Variants in RGS17 observed in about 807,000 individuals in gnomAD.
RGS17 encodes regulator of G protein signaling 17, also known as regulator of G-protein signaling 17.
In RGS17, 12 loss-of-function variants were observed where a neutral mutation model predicts 25.5. The ratio of observed to expected loss-of-function variants is 0.47; its 90% CI spans 0.30 to 0.76. The LOEUF is 0.76. Among genes scored for constraint, RGS17 ranks in the 30% least tolerant of loss-of-function variants. The probability of loss-of-function intolerance (pLI) is 0.07; values close to 1 mark genes in which losing one functional copy is unlikely to be tolerated. For synonymous variants in RGS17, 71 were observed against 76.9 expected (o/e 0.92, Z 0.40); for missense variants, 196 against 242.2 (o/e 0.81, Z 1.27).
At chr6:153,125,717 G>A (rs12529375) in intron 1 of RGS17, among the ~76,000 whole-genome samples, 32,916 of 152,020 alleles carry the variant, frequency 0.22, 4,056 homozygotes, top group Non-Finnish European at 0.28. Context: ...GCTGGGCGTC[G>A]TGGTACACAC....
intron 1 of RGS17, among the ~76,000 whole-genome samples, chr6:153,089,791 T>C (rs1256004733): frequency 5.9e-5 from 9 of 152,314 alleles, no homozygotes; most frequent in Non-Finnish European, 1.5e-5. Flanking sequence ...CCTATACCTG[T>C]ATATGTAATA....
At chr6:153,065,016 T>A (rs991081128) in intron 1 of RGS17, among the ~76,000 whole-genome samples, 1 of 152,112 alleles carries the variant, frequency 6.6e-6, no homozygotes, top group African/African-American at 2.4e-5. Context: ...AGTGCCTGAA[T>A]GGATAAAAAC....
chr6:153,033,345 T>G (rs1328057159), intron 2 of RGS17, among the ~76,000 whole-genome samples: 2 of 152,184 alleles, frequency 1.3e-5, no homozygotes, highest in East Asian at 1.9e-4. Flanking sequence ...GACCAAAGCT[T>G]CTTATTTAGC....
At chr6:153,061,769 C>T (rs537680073) in intron 1 of RGS17, among the ~76,000 whole-genome samples, 1 of 152,072 alleles carries the variant, frequency 6.6e-6, no homozygotes, top group Admixed American at 6.6e-5. Flanking sequence ...ATGTAACATA[C>T]CTATATGTTA....
intron 1 of RGS17, among the ~76,000 whole-genome samples, chr6:153,070,995 A>G (rs1052925538): frequency 6.6e-6 from 1 of 150,600 alleles, no homozygotes. Context: ...GTGTGTATAT[A>G]TGTACATGTG....
intron 2 of RGS17, among the ~76,000 whole-genome samples, chr6:153,029,418 T>C (rs1440137524): frequency 6.6e-6 from 1 of 152,224 alleles, no homozygotes. Context: ...ATGTCTGTCC[T>C]ACCTGGTCCT....
intron 1 of RGS17, among the ~76,000 whole-genome samples, chr6:153,067,049 A>G (rs1275115218): frequency 7.7e-6 from 1 of 129,956 alleles, no homozygotes; most frequent in Non-Finnish European, 1.7e-5. Flanking sequence ...CAAAAACAAA[A>G]CAAACAAACA....
In RGS17 at chr6:153,130,994, GGCGGTC is replaced by G. The variant is rs1403727738; in HGVS notation, c.-26+124_-26+129del. 17 of 134,276 alleles carry G rather than the reference GGCGGTC, an allele frequency of 1.3e-4. No individual in the cohort carries two copies. The highest frequency in any genetic ancestry group is 2.6e-4 in the Non-Finnish European group (16 of 61,460). 8.3% of individuals were successfully genotyped at this position (134,276 alleles called of 1,614,324 possible). A position where few individuals can be genotyped will look rare whatever the true frequency, so the allele number is the denominator to read the frequency against. On this transcript the variant is annotated intron_variant, in intron 1 of 4. Coordinates refer to ENST00000206262, the MANE Select transcript of RGS17 (RefSeq NM_012419.5). This position sits in a 1 kb window ranked among gnomAD's most constrained non-coding sequence, Gnocchi z 6.4. Reference sequence around the variant, plus strand: ...GCGCAGCCGCCCCCGCCGGGGCATGGGCGGTCGCGCTCTCCGCCCCCTCCTTCCTTC... The same window carrying G: ...GCGCAGCCGCCCCCGCCGGGGCATGGGCGCTCTCCGCCCCCTCCTTCCTTC...
rs753774948 is a variant in RGS17, at chr6:153,006,863, C to T, written c.*4711G>A. On this transcript the variant is annotated 3_prime_UTR_variant, in exon 5 of 5. Transcript: ENST00000206262. Reference sequence around the variant, plus strand: ...AAAGTCACATGAGACAGAAATATAACTTGAAATCAAATTTGTAATTTTAAG... The same window carrying T: ...AAAGTCACATGAGACAGAAATATAATTTGAAATCAAATTTGTAATTTTAAG... 3.3e-5 allele frequency: 5 copies of T among 152,134 alleles called. No homozygotes were observed. The highest frequency in any genetic ancestry group is 7.2e-5 in the African/African-American group (3 of 41,436). 9.4% of individuals were successfully genotyped at this position (152,134 alleles called of 1,614,324 possible).
At chr6:153,025,260 T>C (rs1779287079) in intron 3 of RGS17, among the ~76,000 whole-genome samples, 2 of 151,940 alleles carry the variant, frequency 1.3e-5, no homozygotes, top group Non-Finnish European at 2.9e-5. Context: ...TACAGTGAGC[T>C]ATTACCATCC....
intron 1 of RGS17, among the ~76,000 whole-genome samples, chr6:153,080,390 G>A (rs1776956659): frequency 6.6e-6 from 1 of 152,010 alleles, no homozygotes; most frequent in Non-Finnish European, 1.5e-5. Context: ...GATTTATCGC[G>A]CTACCCTCCT....
chr6:153,039,045 T>G lies in RGS17; in HGVS notation c.119+4855A>C, dbSNP rs1430259529. Among the ~76,000 whole-genome samples, 3 of 152,290 alleles carry G rather than the reference T, an allele frequency of 2.0e-5. No individual in the cohort carries two copies. In the East Asian group the frequency reaches 5.8e-4, roughly 29 times the overall value. On this transcript the variant is annotated intron_variant, in intron 2 of 4. Coordinates refer to ENST00000206262, the MANE Select transcript of RGS17 (RefSeq NM_012419.5). ...CCAATTTCTCTTGAGAAGAGTCCAG[T>G]GCAGTGGGCCAAATCTCGTGGGCAA...
chr6:153,039,715 A>G (rs533714043), intron 2 of RGS17, among the ~76,000 whole-genome samples: 1 of 152,340 alleles, frequency 6.6e-6, no homozygotes, highest in East Asian at 1.9e-4. Flanking sequence ...TAAGCTCATA[A>G]TAAACTTTGA....
intron 1 of RGS17, among the ~76,000 whole-genome samples, chr6:153,077,739 AG>A (rs1321928291): frequency 6.6e-6 from 1 of 152,232 alleles, no homozygotes; most frequent in Non-Finnish European, 1.5e-5. Flanking sequence ...GTAGCTACTT[AG>A]AATTATGATG....
chr6:153,017,519 A>T (rs1488127325), intron 4 of RGS17, among the ~76,000 whole-genome samples: 1 of 152,162 alleles, frequency 6.6e-6, no homozygotes, highest in East Asian at 1.9e-4. Context: ...GAAGGAGGAC[A>T]TGAAGGTGGG....
At chr6:153,112,211 C>T (rs1293410124) in intron 1 of RGS17, among the ~76,000 whole-genome samples, 1 of 152,036 alleles carries the variant, frequency 6.6e-6, no homozygotes, top group Non-Finnish European at 1.5e-5. Context: ...ACTAGAATAA[C>T]CATTTTAGAG....
chr6:153,049,175 A>G (rs1776427720), intron 1 of RGS17, among the ~76,000 whole-genome samples: 1 of 152,196 alleles, frequency 6.6e-6, no homozygotes, highest in Non-Finnish European at 1.5e-5. Context: ...GATTCGGCAG[A>G]TAAGTTATTA....
chr6:153,063,790 G>A (rs34258543), intron 1 of RGS17, among the ~76,000 whole-genome samples: 2 of 152,086 alleles, frequency 1.3e-5, no homozygotes, highest in African/African-American at 2.4e-5. Context: ...TATCGCAAGG[G>A]ATTTAATAAA....
At chr6:153,033,520 C>A (rs754556811) in intron 2 of RGS17, among the ~76,000 whole-genome samples, 8 of 152,100 alleles carry the variant, frequency 5.3e-5, no homozygotes, top group Non-Finnish European at 1.2e-4. Flanking sequence ...GAGTTCGAGA[C>A]CACCCTGGGT....
Sources: allele counts gnomAD v4.1 joint callset (sites outside exome capture counted in the v4.1 genomes callset), GRCh38; gene constraint gnomAD v4.1.1; non-coding constraint Gnocchi (gnomAD v3.1); transcripts MANE v1.5; gene names NCBI Gene and HGNC (gene_info 2026-07-23, HGNC 2026-07-21).